TRPC4AP: variants seen among roughly 807,000 people sequenced by gnomAD.
The protein encoded by TRPC4AP is transient receptor potential cation channel subfamily C member 4 associated protein, also known as short transient receptor potential channel 4-associated protein.
TRPC4AP carries 45 observed loss-of-function variants against 99.0 expected under a neutral mutation model. The ratio of observed to expected loss-of-function variants is 0.45; its 90% CI spans 0.36 to 0.58. The LOEUF is 0.58. Ranked by LOEUF, TRPC4AP falls within the 20% of genes least tolerant of loss-of-function variation. The probability of loss-of-function intolerance (pLI) is 0.00; values close to 1 mark genes in which losing one functional copy is unlikely to be tolerated. For synonymous variants in TRPC4AP, 408 were observed against 385.8 expected, an observed-to-expected ratio of 1.06 and a Z score of -0.67; for missense variants, 879 against 985.3, an observed-to-expected ratio of 0.89 and a Z score of 1.44.
At chr20:35,070,013 C>A (rs1466266989) in intron 2 of TRPC4AP, among the ~76,000 whole-genome samples, 1 of 152,084 alleles carries the variant, frequency 6.6e-6, no homozygotes, top group Non-Finnish European at 1.5e-5. Context: ...TGTGAGAACA[C>A]AGCCAATGGG....
intron 8 of TRPC4AP, among the ~76,000 whole-genome samples, chr20:35,026,525 A>G (rs1315537021): frequency 6.6e-6 from 1 of 151,974 alleles, no homozygotes; most frequent in Non-Finnish European, 1.5e-5. Flanking sequence ...CTAGTTCAAG[A>G]CTGTTTTTGT....
At chr20:35,022,562 A>G (rs1335877383) in intron 8 of TRPC4AP, among the ~76,000 whole-genome samples, 1 of 152,166 alleles carries the variant, frequency 6.6e-6, no homozygotes, top group Non-Finnish European at 1.5e-5. Flanking sequence ...TGAACAGATG[A>G]ATCAGTAACT....
chr20:35,072,966 T>C (rs2084361674), intron 2 of TRPC4AP, among the ~76,000 whole-genome samples: 1 of 152,228 alleles, frequency 6.6e-6, no homozygotes, highest in Non-Finnish European at 1.5e-5. Context: ...CATTGAGCAG[T>C]GGTTTGTAGT....
rs117831363 is a variant in TRPC4AP at position 35,081,110 on chromosome 20, G to A, written c.169-2936C>T. Among the ~76,000 whole-genome samples, 100 of 152,054 alleles carry A rather than the reference G, an allele frequency of 6.6e-4. 1 individual carries two copies. In the East Asian group the frequency reaches 0.016, roughly 25 times the overall value. On this transcript the variant is annotated intron_variant, in intron 1 of 18. Transcript: ENST00000252015. ...ATTTAAAAGAAGAAAGAAGAGAAAA[G>A]GGAACAAAGGATAGGACATTAAAAA...
rs1211812782 is a variant in TRPC4AP, at chr20:35,044,798, G to T, written c.658-86C>A. On this transcript the variant is annotated intron_variant, in intron 6 of 18. Coordinates refer to ENST00000252015, the MANE Select transcript of TRPC4AP (RefSeq NM_015638.3). ...CTCTCTTTCGCATCCCCTTACATAC[G>T]GGGCTTAGTGGCTAGATCACTTAGG... 6.4e-6 allele frequency: 8 copies of T among 1,252,366 alleles called. No individual in the cohort carries two copies. The East Asian group carries it at 7.1e-5, about 11-fold the overall frequency. 77.6% of individuals were successfully genotyped at this position (1,252,366 alleles called of 1,614,324 possible). A position where few individuals can be genotyped will look rare whatever the true frequency, so the allele number is the denominator to read the frequency against.
intron 5 of TRPC4AP, among the ~76,000 whole-genome samples, chr20:35,050,234 A>G (rs192008975): frequency 6.6e-6 from 1 of 152,332 alleles, no homozygotes; most frequent in East Asian, 1.9e-4. Flanking sequence ...ACATAACACA[A>G]TGAGATGGTA....
At chr20:35,056,788 T>C (rs1417457386) in intron 4 of TRPC4AP, among the ~76,000 whole-genome samples, 5 of 151,620 alleles carry the variant, frequency 3.3e-5, no homozygotes, top group African/African-American at 4.8e-5. Flanking sequence ...GAGACCAGCC[T>C]GGTCAACATG....
At chr20:35,067,137 G>A (rs1350258128) in intron 3 of TRPC4AP, among the ~76,000 whole-genome samples, 1 of 152,196 alleles carries the variant, frequency 6.6e-6, no homozygotes, top group Non-Finnish European at 1.5e-5. Flanking sequence ...GGCAATCAGA[G>A]AAATTCAAAT....
chr20:35,061,102 A>C (rs2083995380), intron 3 of TRPC4AP, among the ~76,000 whole-genome samples: 1 of 152,190 alleles, frequency 6.6e-6, no homozygotes, highest in South Asian at 2.1e-4. Flanking sequence ...TAAAGAATCC[A>C]CTCAAAAAAA....
chr20:35,051,895 C>A (rs2083708485), intron 5 of TRPC4AP, among the ~76,000 whole-genome samples: 1 of 152,174 alleles, frequency 6.6e-6, no homozygotes, highest in Non-Finnish European at 1.5e-5. Context: ...CTTTTACAGA[C>A]TGACTAAAAT....
At chr20:35,071,753 ATG>A (rs2084322458) in intron 2 of TRPC4AP, among the ~76,000 whole-genome samples, 1 of 152,190 alleles carries the variant, frequency 6.6e-6, no homozygotes, top group Non-Finnish European at 1.5e-5. Context: ...ATACACGTGC[ATG>A]TGTCTTTATA....
chr20:35,045,898 G>A (rs900222325), intron 6 of TRPC4AP, among the ~76,000 whole-genome samples: 1 of 152,054 alleles, frequency 6.6e-6, no homozygotes, highest in Non-Finnish European at 1.5e-5. Flanking sequence ...GGAACTCCTG[G>A]ACTCAAGCAA....
chr20:35,092,806 G>A lies in TRPC4AP; in HGVS notation c.-25C>T, dbSNP rs746461281. On this transcript the variant is annotated 5_prime_UTR_variant, in exon 1 of 19. Transcript: ENST00000252015. Reference sequence around the variant, plus strand: ...TGTCTCCTCGTCGGACAAACAGGAAGCAAGCGGCCTCGGGGCCGCGGAGAT... The same window carrying A: ...TGTCTCCTCGTCGGACAAACAGGAAACAAGCGGCCTCGGGGCCGCGGAGAT... 3.1e-5 allele frequency: 46 copies of A among 1,498,514 alleles called. No homozygotes were observed. The African/African-American group carries it at 5.1e-4, about 17-fold the overall frequency. 92.8% of individuals were successfully genotyped at this position (1,498,514 alleles called of 1,614,324 possible).
chr20:35,083,254 C>T (rs2084697529), intron 1 of TRPC4AP, among the ~76,000 whole-genome samples: 1 of 151,844 alleles, frequency 6.6e-6, no homozygotes, highest in Non-Finnish European at 1.5e-5. Context: ...CTTTTAAAAA[C>T]GCTAAGGAAT....
intron 6 of TRPC4AP, among the ~76,000 whole-genome samples, chr20:35,047,257 C>T (rs1476560183): frequency 1.3e-5 from 2 of 152,186 alleles, no homozygotes; most frequent in Non-Finnish European, 2.9e-5. Context: ...TTTCCTATTG[C>T]ATCTCTCTGC....
chr20:35,077,275 C>T (rs1369226381), intron 2 of TRPC4AP, among the ~76,000 whole-genome samples: 1 of 152,192 alleles, frequency 6.6e-6, no homozygotes, highest in African/African-American at 2.4e-5. Context: ...CACTGTCTGA[C>T]AAGCCCCAGT....
chr20:35,027,198 T>C (rs1424268492), intron 8 of TRPC4AP, among the ~76,000 whole-genome samples: 1 of 152,222 alleles, frequency 6.6e-6, no homozygotes, highest in East Asian at 1.9e-4. Context: ...CCATGGGTTT[T>C]TGTAGATGCC....
rs1256244971 is a variant in TRPC4AP at position 35,092,769 on chromosome 20, GCGC to G, written c.10_12del (p.Ala4del). 2.6e-6 allele frequency: 4 copies of G among 1,539,482 alleles called. No homozygotes were observed. The highest frequency in any genetic ancestry group is 2.9e-5 in the African/African-American group (2 of 69,994). On this transcript the variant is annotated inframe_deletion, in exon 1 of 19. Transcript: ENST00000252015. The stretch of plus-strand genomic sequence containing the variant: ...CCGGCTCCAGACCCAGCCGCTACCG[GCGC>G]CGCCGCCATGTCTCCTCGTCGGACA...
Position 35,042,611 on chromosome 20 carries a change from GT to G in TRPC4AP, c.865+1893del, listed in dbSNP as rs368738646. ...TGTACCATAAGGTACACAGTGATAG[GT>G]TTTTGTATTAACAATATTTCCAGCC... On this transcript the variant is annotated intron_variant, in intron 7 of 18. Coordinates refer to ENST00000252015, the MANE Select transcript of TRPC4AP (RefSeq NM_015638.3). Among the ~76,000 whole-genome samples the G allele has an allele frequency of 4.5e-4, 69 of 152,236 alleles. 1 individual carries two copies. In the East Asian group the frequency reaches 0.012, roughly 25 times the overall value.
Sources: gnomAD v4.1 joint callset for allele counts (sites outside exome capture counted in the v4.1 genomes callset) on GRCh38, gnomAD v4.1.1 for gene constraint, MANE v1.5 for transcripts, NCBI Gene and HGNC (gene_info 2026-07-23, HGNC 2026-07-21) for gene names.